LRRC61: variants seen among roughly 807,000 people sequenced by gnomAD.
The protein encoded by LRRC61 is leucine-rich repeat-containing protein 61.
Under a neutral mutation model 15.1 loss-of-function variants are expected in LRRC61, and 9 were observed. That is an observed-to-expected ratio of 0.60 (90% confidence interval 0.36 to 1.04). The LOEUF is 1.04. Ranked by LOEUF, LRRC61 falls within the 50% of genes least tolerant of loss-of-function variation. The pLI is 0.01. For missense variants in LRRC61, 344 were observed against 335.6 expected (o/e 1.03, Z -0.20); for synonymous variants, 173 against 158.6 (o/e 1.09, Z -0.68).
At chr7:150,327,449 T>A (rs1312451222) in intron 2 of LRRC61, among the ~76,000 whole-genome samples, 1 of 152,088 alleles carries the variant, frequency 6.6e-6, no homozygotes, top group Non-Finnish European at 1.5e-5. Flanking sequence ...CACATAAAGC[T>A]TTGGTTTCTA....
At chr7:150,314,857 C>T in the LRRC61 span, among the ~76,000 whole-genome samples, 15 of 149,762 alleles carry the variant, frequency 1.0e-4, no homozygotes, top group African/African-American at 3.7e-4. Flanking sequence ...AAGGCGGAGG[C>T]GAGCGGCTCA....
the LRRC61 span, among the ~76,000 whole-genome samples, chr7:150,311,120 A>G: frequency 6.6e-6 from 1 of 152,184 alleles, no homozygotes; most frequent in South Asian, 2.1e-4. Context: ...AGCTCACTAA[A>G]GGTGATTTAA....
At chr7:150,325,295 G>A (rs1397576269) in intron 1 of LRRC61, among the ~76,000 whole-genome samples, 2 of 152,182 alleles carry the variant, frequency 1.3e-5, no homozygotes, top group Non-Finnish European at 2.9e-5. Context: ...CCAGGGATGT[G>A]CCTGCTTCCC....
chr7:150,314,722 C>T, the LRRC61 span, among the ~76,000 whole-genome samples: 1 of 150,448 alleles, frequency 6.6e-6, no homozygotes, highest in South Asian at 2.1e-4. Context: ...GTGGGTGGAT[C>T]CCTTGAGCCC....
the LRRC61 span, among the ~76,000 whole-genome samples, chr7:150,310,116 A>C: frequency 6.6e-6 from 1 of 152,160 alleles, no homozygotes; most frequent in Non-Finnish European, 1.5e-5. Flanking sequence ...TATTAGGCTG[A>C]GACATTTTAA....
intron 2 of LRRC61, among the ~76,000 whole-genome samples, chr7:150,327,405 C>G (rs1209310233): frequency 1.3e-5 from 2 of 152,184 alleles, no homozygotes; most frequent in Admixed American, 6.5e-5. Context: ...ACAAGCCTTT[C>G]TACCCTCCCT....
chr7:150,309,614 G>T, the LRRC61 span, among the ~76,000 whole-genome samples: 2 of 152,180 alleles, frequency 1.3e-5, no homozygotes, highest in African/African-American at 4.8e-5. Flanking sequence ...TCCTCCTCAT[G>T]GACCTTGATT....
chr7:150,336,533 G>A (rs1416384940), intron 2 of LRRC61, among the ~76,000 whole-genome samples, 185 bp from the exon 3 acceptor site: 1 of 152,224 alleles, frequency 6.6e-6, no homozygotes, highest in Non-Finnish European at 1.5e-5. Flanking sequence ...GCTCCCCTTG[G>A]GTTGGGCCTG....
chr7:150,329,022 G>A (rs1228895681), intron 2 of LRRC61, among the ~76,000 whole-genome samples: 1 of 152,190 alleles, frequency 6.6e-6, no homozygotes, highest in Non-Finnish European at 1.5e-5. Context: ...ACTAGCCAGA[G>A]ATCAAGTCTT....
the LRRC61 span, among the ~76,000 whole-genome samples, chr7:150,316,278 G>T: frequency 6.6e-6 from 1 of 152,204 alleles, no homozygotes; most frequent in Non-Finnish European, 1.5e-5. Flanking sequence ...CAATACATTG[G>T]GCCTGTTTAA....
rs150637390 is a variant in LRRC61, at chr7:150,337,071, G to T, written c.210G>T (p.Pro70=). 76 of 1,612,648 alleles carry T rather than the reference G, an allele frequency of 4.7e-5. No homozygotes were observed. Among genetic ancestry groups the T allele is most frequent in the Non-Finnish European group, 5.7e-5 (67 of 1,179,846 alleles). The change falls in exon 3 of 3, where the codon CCG becomes CCT. Residue 70 remains proline, a synonymous_variant. Coordinates refer to ENST00000359623, the MANE Select transcript of LRRC61 (RefSeq NM_001142928.2). ...GCAACGCGCTCACCCACCTGGGCCC[G>T]CTGGCCTCCTTGCGCCAGCTAGCTG... ...LSGNALTHLG[P]LASLRQLAVL... is the part of the protein sequence containing the mutation.
the LRRC61 span, among the ~76,000 whole-genome samples, chr7:150,315,407 C>T: frequency 2.0e-5 from 3 of 152,172 alleles, no homozygotes; most frequent in Non-Finnish European, 4.4e-5. Context: ...GCCTACAAAT[C>T]AATCAGGAAA....
chr7:150,335,903 C>T lies in LRRC61; in HGVS notation c.-144-815C>T, dbSNP rs1340490069. The stretch of plus-strand genomic sequence containing the variant: ...GGCTTTCTGGAGCCACCCTTCCCTC[C>T]CTCCAAGACAGCCTGCCCTTTGGGA... On this transcript the variant is annotated intron_variant, in intron 2 of 2. Transcript: ENST00000359623. This position sits in a 1 kb window ranked among gnomAD's most constrained non-coding sequence, Gnocchi z 4.3. 6.6e-6 allele frequency among the ~76,000 whole-genome samples: 1 copy of T among 152,232 alleles called. No individual in the cohort carries two copies. The highest frequency in any genetic ancestry group is 6.5e-5 in the Admixed American group (1 of 15,288).
At chr7:150,332,914 C>T (rs1278050886) in intron 2 of LRRC61, among the ~76,000 whole-genome samples, 2 of 152,160 alleles carry the variant, frequency 1.3e-5, no homozygotes, top group African/African-American at 4.8e-5. Context: ...GCAGGGCTTG[C>T]TGGATCTCTC....
the LRRC61 span, among the ~76,000 whole-genome samples, chr7:150,311,862 A>G: frequency 1.5e-3 from 228 of 152,328 alleles, no homozygotes; most frequent in Non-Finnish European, 2.4e-3. Context: ...CTCTCTCGCC[A>G]AAGGAATGCA....
upstream of LRRC61, among the ~76,000 whole-genome samples, chr7:150,319,473 C>T (rs1399628287): frequency 2.6e-5 from 4 of 152,170 alleles, no homozygotes; most frequent in African/African-American, 9.7e-5. Context: ...TCCCAAAGTG[C>T]TGGGATTATA....
intron 2 of LRRC61, among the ~76,000 whole-genome samples, chr7:150,329,285 A>G (rs1253520808): frequency 1.3e-5 from 2 of 152,238 alleles, no homozygotes; most frequent in African/African-American, 4.8e-5. Flanking sequence ...AGGGACCGAG[A>G]TTAAAGTAGA....
At position 150,337,478 on chromosome 7, in the gene LRRC61, AG is replaced by A; in HGVS notation, c.618del (p.Glu206AspfsTer120). ...AQPWVEPGYW[E>X]SWPSRSSSIL... is the part of the protein sequence containing the mutation. ...CCCTGGGTGGAGCCAGGCTACTGGG[AG>A]TCCTGGCCCAGCCGGAGCAGCTCCA... On this transcript the variant is annotated frameshift_variant, in exon 3 of 3. Coordinates refer to ENST00000359623, the MANE Select transcript of LRRC61 (RefSeq NM_001142928.2). LOFTEE classifies it high-confidence loss of function. 1 of 1,603,124 alleles carries A rather than the reference AG, an allele frequency of 6.2e-7. No homozygotes were observed. The highest frequency in any genetic ancestry group is 1.1e-5 in the South Asian group (1 of 91,040).
rs114112569 is a variant in LRRC61 at position 150,333,078 on chromosome 7, T to C, written c.-144-3640T>C. ...TTGGAACTGTTCTTGGAAGTGGCAT[T>C]GTGGCTCTGCTGTGTGGCATCACCG... On this transcript the variant is annotated intron_variant, in intron 2 of 2. Coordinates refer to ENST00000359623, the MANE Select transcript of LRRC61 (RefSeq NM_001142928.2). The surrounding 1 kb of genome is among the most constrained non-coding windows in gnomAD (Gnocchi z 4.3). Among the ~76,000 whole-genome samples, 769 of 152,272 alleles carry C rather than the reference T, an allele frequency of 5.1e-3. 8 individuals are homozygous for C. Among genetic ancestry groups the C allele is most frequent in the African/African-American group, 0.018 (731 of 41,538 alleles).
Sources: allele counts gnomAD v4.1 joint callset (sites outside exome capture counted in the v4.1 genomes callset), GRCh38; gene constraint gnomAD v4.1.1; non-coding constraint Gnocchi (gnomAD v3.1); transcripts MANE v1.5; gene names NCBI Gene and HGNC (gene_info 2026-07-23, HGNC 2026-07-21).